ITGA9: variants seen among roughly 807,000 people sequenced by gnomAD.
The protein encoded by ITGA9 is integrin alpha-9.
Under a neutral mutation model 127.8 loss-of-function variants are expected in ITGA9, and 56 were observed. The observed-to-expected ratio is 0.44, with a 90% CI of 0.35 to 0.55. ITGA9 has a LOEUF of 0.55. ITGA9 is among the 20% of genes least tolerant of loss of function. The probability of loss-of-function intolerance (pLI) is 0.00; values close to 1 mark genes in which losing one functional copy is unlikely to be tolerated. For synonymous variants in ITGA9, 508 were observed against 514.5 expected (o/e 0.99, Z 0.17); for missense variants, 1,196 against 1,347.1 (o/e 0.89, Z 1.76).
rs192326099 is a variant in ITGA9, at chr3:37,748,384, C to T, written c.2434-2078C>T. ...GATTCTTGCCAAGAAAATTAATGTA[C>T]GTATTGAGCACATTAAGCACTCTAA... On this transcript the variant is annotated intron_variant, in intron 22 of 27. Coordinates refer to ENST00000264741, the MANE Select transcript of ITGA9 (RefSeq NM_002207.3). 1.1e-4 allele frequency: 66 copies of T among 599,852 alleles called. 1 individual carries two copies. Among genetic ancestry groups the T allele is most frequent in the African/African-American group, 5.7e-4 (31 of 54,308 alleles). The allele number at this position is 599,852 out of a possible 1,614,324, so 37.2% of individuals were successfully genotyped here.
chr3:37,647,146 T>G (rs1700385247), intron 16 of ITGA9, among the ~76,000 whole-genome samples: 1 of 152,134 alleles, frequency 6.6e-6, no homozygotes, highest in African/African-American at 2.4e-5. Context: ...AACAATTGCA[T>G]TCCTAGCCTA....
intron 15 of ITGA9, among the ~76,000 whole-genome samples, chr3:37,570,912 G>A (rs776875771): frequency 2.6e-5 from 4 of 152,200 alleles, no homozygotes; most frequent in Non-Finnish European, 5.9e-5. Context: ...GTATTGCACG[G>A]TAGGAATATA....
intron 15 of ITGA9, among the ~76,000 whole-genome samples, chr3:37,621,172 C>G (rs1700124877): frequency 6.6e-6 from 1 of 152,168 alleles, no homozygotes; most frequent in Non-Finnish European, 1.5e-5. Flanking sequence ...ACTTGGCTCT[C>G]ATTCTCTCTT....
At chr3:37,515,794 C>G (rs1017879384) in intron 9 of ITGA9, among the ~76,000 whole-genome samples, 2 of 151,986 alleles carry the variant, frequency 1.3e-5, no homozygotes, top group African/African-American at 4.8e-5. Flanking sequence ...GAGGCTGAGG[C>G]GAGAGGATCC....
At chr3:37,768,272 T>C (rs1178703066) in intron 23 of ITGA9, among the ~76,000 whole-genome samples, 1 of 152,186 alleles carries the variant, frequency 6.6e-6, no homozygotes, top group Non-Finnish European at 1.5e-5. Flanking sequence ...AATATGAAGC[T>C]ATCTTATTTA....
At position 37,741,808 on chromosome 3, in the gene ITGA9, G is replaced by T. The variant is rs760544536; in HGVS notation, c.2313G>T (p.Thr771=). ...LMVPLMHEVD[T]SITGIMSPTS... ...TGCCACTGATGCACGAGGTGGACAC[G>T]TCCATCACCGGGTGAGTAGCCTGGT... The change falls in exon 21 of 28, where the codon ACG becomes ACT. Residue 771 remains threonine (T), a synonymous_variant. Transcript: ENST00000264741. 6.2e-7 allele frequency: 1 copy of T among 1,613,234 alleles called. No homozygotes were observed. Among genetic ancestry groups the T allele is most frequent in the South Asian group, 1.1e-5 (1 of 90,812 alleles).
intron 23 of ITGA9, among the ~76,000 whole-genome samples, chr3:37,751,614 A>G (rs1269624448): frequency 1.3e-5 from 2 of 152,096 alleles, no homozygotes; most frequent in Admixed American, 6.5e-5. Context: ...TTTACTGATC[A>G]TCGAGCCAAG....
chr3:37,494,944 C>T (rs1028776728), intron 5 of ITGA9, among the ~76,000 whole-genome samples: 4 of 152,248 alleles, frequency 2.6e-5, no homozygotes, highest in African/African-American at 7.2e-5. Context: ...TGTGAGCATC[C>T]CCTCCTAGCA....
chr3:37,512,064 C>G (rs552756309), intron 8 of ITGA9, among the ~76,000 whole-genome samples: 3 of 56,458 alleles, frequency 5.3e-5, no homozygotes, highest in Admixed American at 2.9e-4. Flanking sequence ...TTCTTTCTTT[C>G]TTTCTTTCTT....
At chr3:37,508,650 C>G (rs1376394543) in intron 8 of ITGA9, 23 bp downstream of exon 8, 2 of 1,593,868 alleles carry the variant, frequency 1.3e-6, no homozygotes, top group South Asian at 2.2e-5. Flanking sequence ...GTATAAGTGA[C>G]TATTTTTTAT....
intron 4 of ITGA9, among the ~76,000 whole-genome samples, chr3:37,491,452 A>T (rs1251792898): frequency 2.0e-5 from 3 of 152,254 alleles, no homozygotes; most frequent in Non-Finnish European, 4.4e-5. Context: ...TTGGAGACCA[A>T]GTAGACATGC....
At chr3:37,493,473 T>C (rs1698693070) in intron 4 of ITGA9, among the ~76,000 whole-genome samples, 2 of 152,142 alleles carry the variant, frequency 1.3e-5, no homozygotes, top group African/African-American at 2.4e-5. Context: ...TGTGATTAAT[T>C]TGAGTCACTG....
intron 17 of ITGA9, among the ~76,000 whole-genome samples, chr3:37,669,255 G>A (rs1700614352): frequency 6.6e-6 from 1 of 152,336 alleles, no homozygotes; most frequent in East Asian, 1.9e-4. Context: ...CTTTGGTCTG[G>A]AAAGTCACCC....
intron 15 of ITGA9, among the ~76,000 whole-genome samples, chr3:37,582,698 A>G (rs1699721283): frequency 6.6e-6 from 1 of 152,192 alleles, no homozygotes; most frequent in Non-Finnish European, 1.5e-5. Flanking sequence ...AAGTTGAAGG[A>G]ATAAACCTGT....
chr3:37,640,517 A>G (rs1474383007), intron 16 of ITGA9, among the ~76,000 whole-genome samples: 2 of 152,136 alleles, frequency 1.3e-5, no homozygotes, highest in Non-Finnish European at 2.9e-5. Context: ...GGGCCTCTAG[A>G]TAATCGTCCA....
At chr3:37,459,161 G>A (rs748903658) in intron 1 of ITGA9, among the ~76,000 whole-genome samples, 1 of 152,310 alleles carries the variant, frequency 6.6e-6, no homozygotes, top group South Asian at 2.1e-4. Flanking sequence ...ACCAAAAGCA[G>A]CAACAGTGTA....
Position 37,799,149 on chromosome 3 carries a change from C to T in ITGA9, c.2890-4674C>T. 6.6e-6 allele frequency among the ~76,000 whole-genome samples: 1 copy of T among 152,032 alleles called. No individual in the cohort carries two copies. Among genetic ancestry groups the T allele is most frequent in the East Asian group, 1.9e-4 (1 of 5,190 alleles). ...GTTTTCAAGTACTGAATTAATGGAT[C>T]AAAGGGTATGAACATTTTTATTTTA... On this transcript the variant is annotated intron_variant, in intron 26 of 27. Coordinates refer to ENST00000264741, the MANE Select transcript of ITGA9 (RefSeq NM_002207.3). The surrounding 1 kb of genome is among the most constrained non-coding windows in gnomAD (Gnocchi z 4.0).
intron 25 of ITGA9, among the ~76,000 whole-genome samples, chr3:37,782,861 C>T (rs781063304): frequency 2.0e-5 from 3 of 152,164 alleles, no homozygotes; most frequent in Non-Finnish European, 4.4e-5. Flanking sequence ...CTGTAGGAGC[C>T]GGGCGCAGTG....
At chr3:37,660,683 C>T (rs901724361) in intron 17 of ITGA9, among the ~76,000 whole-genome samples, 2 of 152,094 alleles carry the variant, frequency 1.3e-5, no homozygotes, top group African/African-American at 4.8e-5. Flanking sequence ...ACAAAAAAGG[C>T]TGAATAAAAA....
Sources: allele counts gnomAD v4.1 joint callset (sites outside exome capture counted in the v4.1 genomes callset), GRCh38; gene constraint gnomAD v4.1.1; non-coding constraint Gnocchi (gnomAD v3.1); transcripts MANE v1.5; gene names NCBI Gene and HGNC (gene_info 2026-07-23, HGNC 2026-07-21).